KCNU1: variants seen among roughly 807,000 people sequenced by gnomAD.
KCNU1 encodes the protein potassium calcium-activated channel subfamily U member 1.
In KCNU1, 93 loss-of-function variants were observed where a neutral mutation model predicts 126.8. That is an observed-to-expected ratio of 0.73 (90% CI 0.62 to 0.87). KCNU1 has a LOEUF of 0.87. Ranked by LOEUF, KCNU1 falls within the 40% of genes least tolerant of loss-of-function variation. The probability of loss-of-function intolerance (pLI) is 0.00; values close to 1 mark genes in which losing one functional copy is unlikely to be tolerated. For missense variants in KCNU1, 1,330 were observed against 1,367.1 expected, an observed-to-expected ratio of 0.97 and a Z score of 0.43; for synonymous variants, 523 against 494.2, an observed-to-expected ratio of 1.06 and a Z score of -0.77.
intron 26 of KCNU1, among the ~76,000 whole-genome samples, chr8:36,933,903 G>A (rs562197266): frequency 6.6e-6 from 1 of 152,172 alleles, no homozygotes; most frequent in Non-Finnish European, 1.5e-5. Flanking sequence ...AGAGAAAGAT[G>A]GAAGAAATAG....
chr8:36,935,184 C>T (rs1212869975), intron 26 of KCNU1, among the ~76,000 whole-genome samples: 2 of 151,972 alleles, frequency 1.3e-5, no homozygotes, highest in East Asian at 1.9e-4. Flanking sequence ...TCCAAATCAC[C>T]GTCTTCCCCC....
chr8:36,915,748 C>G (rs554427658), intron 22 of KCNU1, among the ~76,000 whole-genome samples: 3 of 152,240 alleles, frequency 2.0e-5, no homozygotes, highest in South Asian at 2.1e-4. Context: ...GAGAAGCCCC[C>G]CTTTGGGACC....
chr8:36,795,739 T>C (rs1463165128), intron 2 of KCNU1: 1 of 152,264 alleles, frequency 6.6e-6, no homozygotes, highest in African/African-American at 2.4e-5. Flanking sequence ...CTTGTGTTCT[T>C]GGCTGGGGCA....
chr8:36,904,629 T>C (rs1467191442), intron 19 of KCNU1, among the ~76,000 whole-genome samples: 1 of 152,090 alleles, frequency 6.6e-6, no homozygotes, highest in Non-Finnish European at 1.5e-5. Context: ...GTAGGAGCCA[T>C]GTGACTAATT....
intron 18 of KCNU1, among the ~76,000 whole-genome samples, chr8:36,848,120 T>C (rs1805216121): frequency 6.6e-6 from 1 of 152,250 alleles, no homozygotes; most frequent in African/African-American, 2.4e-5. Flanking sequence ...GCAAAATGTT[T>C]ATTCAGATCT....
At chr8:36,848,125 A>G (rs2117277747) in intron 18 of KCNU1, among the ~76,000 whole-genome samples, 1 of 152,310 alleles carries the variant, frequency 6.6e-6, no homozygotes, top group Non-Finnish European at 1.5e-5. Context: ...ATGTTTATTC[A>G]GATCTTTTTC....
intron 2 of KCNU1, among the ~76,000 whole-genome samples, chr8:36,789,577 C>T (rs1802831683): frequency 6.6e-6 from 1 of 152,058 alleles, no homozygotes; most frequent in Non-Finnish European, 1.5e-5. Context: ...AAGCAAGAGA[C>T]TTGCATTTAA....
intron 7 of KCNU1, among the ~76,000 whole-genome samples, chr8:36,811,001 TAAG>T (rs972424720): frequency 2.6e-5 from 4 of 151,780 alleles, no homozygotes; most frequent in South Asian, 2.1e-4. Context: ...CAGAGAAAAA[TAAG>T]AAGAAGTGTA....
intron 19 of KCNU1, among the ~76,000 whole-genome samples, chr8:36,867,281 G>A (rs906225736): frequency 6.6e-6 from 1 of 152,210 alleles, no homozygotes; most frequent in Non-Finnish European, 1.5e-5. Flanking sequence ...TAGAAAGGTG[G>A]GAGACAGTGG....
rs113101887 is a variant in KCNU1, at chr8:36,843,891, G to A, written c.1704-1689G>A. On this transcript the variant is annotated intron_variant, in intron 16 of 26. Transcript: ENST00000399881. ...CACTTACTGTAATGATTTTGTTCCA[G>A]GGACAAACATTCTCTGATAGAGCAA... is the stretch of plus-strand genomic sequence containing the variant. Among the ~76,000 whole-genome samples the A allele has an allele frequency of 2.4e-3, 365 of 152,184 alleles. 11 individuals are homozygous for A. Among genetic ancestry groups the A allele is most frequent in the African/African-American group, 8.4e-3 (347 of 41,536 alleles).
intron 22 of KCNU1, among the ~76,000 whole-genome samples, chr8:36,916,321 GAAGGA>G (rs1398830082): frequency 3.4e-5 from 5 of 147,362 alleles, no homozygotes; most frequent in African/African-American, 7.5e-5. Flanking sequence ...TGAGGGAAGG[GAAGGA>G]AAGGGAAGGG....
At position 36,935,834 on chromosome 8, in the gene KCNU1, T is replaced by A. The variant is rs186152720; in HGVS notation, c.3364T>A (p.Leu1122Ile). ...CAGTATTATATCATCTCAGATACCT[T>A]TAGGTGACAATGCAAAAGAAAATGA... ...TNSIISSQIP[L>I]GDNAKENERK... The change falls in exon 27 of 27, where the codon TTA becomes ATA. Residue 1122 changes from leucine (L) to isoleucine (I), a missense_variant. Leu to Ile is a conservative substitution (Grantham distance 5). Around this residue, in one of 3 missense-constraint regions of KCNU1, gnomAD observed 1,054 missense variants for 1,053.9 expected, o/e 1.00. Transcript: ENST00000399881. The A allele has an allele frequency of 6.2e-6, 10 of 1,612,352 alleles. No individual in the cohort carries two copies. The East Asian group carries it at 2.2e-4, about 36-fold the overall frequency.
intron 1 of KCNU1, among the ~76,000 whole-genome samples, chr8:36,786,717 A>T (rs1802723553): frequency 6.6e-6 from 1 of 152,204 alleles, no homozygotes; most frequent in African/African-American, 2.4e-5. Flanking sequence ...TCAATATAAA[A>T]TGTATTTAGT....
chr8:36,913,038 C>A (rs1249534278), intron 22 of KCNU1, among the ~76,000 whole-genome samples: 1 of 144,278 alleles, frequency 6.9e-6, no homozygotes, highest in African/African-American at 2.6e-5. Context: ...GGATAACTGA[C>A]AACACCATAA....
At chr8:36,873,747 C>A (rs1334935817) in intron 19 of KCNU1, among the ~76,000 whole-genome samples, 5 of 152,174 alleles carry the variant, frequency 3.3e-5, no homozygotes, top group Non-Finnish European at 7.3e-5. Flanking sequence ...GCGCAACGAT[C>A]AGGACAATAA....
At chr8:36,916,827 A>C (rs1465935612) in intron 22 of KCNU1, among the ~76,000 whole-genome samples, 1 of 152,204 alleles carries the variant, frequency 6.6e-6, no homozygotes, top group Admixed American at 6.5e-5. Flanking sequence ...GAGGAGCTTC[A>C]GTTTTTATCC....
Position 36,814,337 on chromosome 8 carries a change from T to A in KCNU1, c.863T>A (p.Leu288Ter). 1 of 1,612,812 alleles carries A rather than the reference T, an allele frequency of 6.2e-7. No individual in the cohort carries two copies. The highest frequency in any genetic ancestry group is 8.5e-7 in the Non-Finnish European group (1 of 1,179,258). ...GGAGATGTGGTAGCCAAGACATCCT[T>A]AGGACGGACCTTCATCATGTTCTTC... ...GFGDVVAKTS[L>*]GRTFIMFFTL... Residue 288 changes from leucine to a stop codon, truncating the protein, a stop_gained, in exon 8 of 27, where the codon TTA becomes TAA. Coordinates refer to ENST00000399881, the MANE Select transcript of KCNU1 (RefSeq NM_001031836.3). LOFTEE classifies it high-confidence loss of function.
intron 18 of KCNU1, among the ~76,000 whole-genome samples, chr8:36,846,392 AATTTTCTCT>A (rs149552492): frequency 6.6e-6 from 1 of 152,304 alleles, no homozygotes; most frequent in African/African-American, 2.4e-5. Flanking sequence ...GAGGGAATGT[AATTTTCTCT>A]ATTTTCTCTA....
Position 36,931,045 on chromosome 8 carries a change from T to G in KCNU1, c.2831T>G (p.Val944Gly). 1 of 1,611,784 alleles carries G rather than the reference T, an allele frequency of 6.2e-7. No individual in the cohort carries two copies. Among genetic ancestry groups the G allele is most frequent in the Non-Finnish European group, 8.5e-7 (1 of 1,178,818 alleles). ...GAACAACATTTAGATAAGGATAAAG[T>G]CTATGGTGTGGCAGATAGCTGCACG... ...QLEQHLDKDK[V>G]YGVADSCTSL... The change falls in exon 25 of 27, where the codon GTC (valine) becomes GGC (glycine). Residue 944 changes from valine (V) to glycine (G), a missense_variant. Physicochemically the swap from Val to Gly is moderately radical, Grantham distance 109 (BLOSUM62 -3). This residue lies in a region of KCNU1 where 1,054 missense variants were observed against 1,053.9 expected (regional missense o/e 1.00). Coordinates refer to ENST00000399881, the MANE Select transcript of KCNU1 (RefSeq NM_001031836.3).
Sources: allele counts gnomAD v4.1 joint callset (sites outside exome capture counted in the v4.1 genomes callset), GRCh38; gene constraint gnomAD v4.1.1; regional missense constraint gnomAD v4.1.1; transcripts MANE v1.5; gene names NCBI Gene and HGNC (gene_info 2026-07-23, HGNC 2026-07-21).